Variants in LYPLA1 observed in about 807,000 individuals in gnomAD.
LYPLA1 encodes the protein acyl-protein thioesterase 1.
In LYPLA1, 17 loss-of-function variants were observed where a neutral mutation model predicts 34.0. That is an observed-to-expected ratio of 0.50 (90% CI 0.34 to 0.75). LYPLA1 has a LOEUF of 0.75. Among genes scored for constraint, LYPLA1 ranks in the 30% least tolerant of loss-of-function variants. LYPLA1 has a pLI of 0.01. For synonymous variants in LYPLA1, 98 were observed against 100.8 expected, an observed-to-expected ratio of 0.97 and a Z score of 0.17; for missense variants, 203 against 288.8, an observed-to-expected ratio of 0.70 and a Z score of 2.15.
intron 2 of LYPLA1, among the ~76,000 whole-genome samples, chr8:54,082,893 A>G (rs892462616): frequency 1.2e-4 from 19 of 152,076 alleles, no homozygotes; most frequent in South Asian, 4.2e-4. Flanking sequence ...CGCCTGGCTA[A>G]TTTTTTGTAT....
At chr8:54,064,832 T>G (rs1381902516) in intron 3 of LYPLA1, among the ~76,000 whole-genome samples, 1 of 151,972 alleles carries the variant, frequency 6.6e-6, no homozygotes, top group Admixed American at 6.6e-5. Flanking sequence ...TAACAATAGC[T>G]GATGAGGTAA....
At chr8:54,079,233 G>A (rs1320688951) in intron 2 of LYPLA1, among the ~76,000 whole-genome samples, 1 of 152,112 alleles carries the variant, frequency 6.6e-6, no homozygotes, top group African/African-American at 2.4e-5. Context: ...ACCTACATCA[G>A]CCTCCAAAAG....
intron 5 of LYPLA1, among the ~76,000 whole-genome samples, chr8:54,058,519 G>A (rs1047348257): frequency 6.6e-6 from 1 of 152,092 alleles, no homozygotes; most frequent in African/African-American, 2.4e-5. Flanking sequence ...ACTCCAGCCT[G>A]AGCAAGAGAG....
intron 3 of LYPLA1, among the ~76,000 whole-genome samples, chr8:54,064,903 T>C (rs1806937944): frequency 6.6e-6 from 1 of 152,170 alleles, no homozygotes; most frequent in African/African-American, 2.4e-5. Flanking sequence ...TAAGAAAGTT[T>C]ACTAATTTGC....
At chr8:54,073,284 CT>C in intron 2 of LYPLA1, 1 of 893,396 alleles carries the variant, frequency 1.1e-6, no homozygotes, top group Non-Finnish European at 1.9e-6. Flanking sequence ...TGCTGGGGTC[CT>C]TCTGTGCCTG....
At chr8:54,053,544 A>G (rs1805993379) in intron 6 of LYPLA1, 6 of 454,132 alleles carry the variant, frequency 1.3e-5, no homozygotes, top group Non-Finnish European at 8.9e-6. Context: ...CACTCTGACC[A>G]TGCCCATGGG....
chr8:54,092,852 C>G (rs540588196), intron 2 of LYPLA1, among the ~76,000 whole-genome samples: 1 of 152,236 alleles, frequency 6.6e-6, no homozygotes, highest in East Asian at 1.9e-4. Context: ...AAAATCAGGA[C>G]CTGTGTGGTG....
chr8:54,092,259 AAGG>A (rs1039252933), intron 2 of LYPLA1, among the ~76,000 whole-genome samples: 4 of 141,392 alleles, frequency 2.8e-5, no homozygotes, highest in East Asian at 4.2e-4. Context: ...AGAGAAGGAG[AAGG>A]AGGAGAAGGA....
At chr8:54,095,984 A>C (rs575592932) in intron 2 of LYPLA1, among the ~76,000 whole-genome samples, 113 of 152,328 alleles carry the variant, frequency 7.4e-4, no homozygotes, top group African/African-American at 2.6e-3. Flanking sequence ...GATAAAGGAC[A>C]TTATTGGCTC....
At chr8:54,101,245 T>A in intron 1 of LYPLA1, 1 of 714,812 alleles carries the variant, frequency 1.4e-6, no homozygotes, top group South Asian at 3.5e-5. Context: ...ATCAGGAACA[T>A]CTCACATATC....
chr8:54,090,576 C>T (rs915463103), intron 2 of LYPLA1, among the ~76,000 whole-genome samples: 1 of 152,152 alleles, frequency 6.6e-6, no homozygotes, highest in Non-Finnish European at 1.5e-5. Context: ...CACTAACCTA[C>T]CCCCGCCCTC....
At chr8:54,067,824 T>C (rs1018949804) in intron 2 of LYPLA1, among the ~76,000 whole-genome samples, 2 of 150,892 alleles carry the variant, frequency 1.3e-5, no homozygotes, top group Non-Finnish European at 2.9e-5. Context: ...GCCTCCCGAG[T>C]AGGCGCCCGC....
chr8:54,080,579 T>C (rs555150312), intron 2 of LYPLA1, among the ~76,000 whole-genome samples: 2 of 152,188 alleles, frequency 1.3e-5, no homozygotes, highest in East Asian at 1.9e-4. Flanking sequence ...AAAATGTAAA[T>C]ATATTTATTT....
At chr8:54,075,427 G>A (rs762054029) in intron 2 of LYPLA1, among the ~76,000 whole-genome samples, 2 of 152,144 alleles carry the variant, frequency 1.3e-5, no homozygotes, top group African/African-American at 2.4e-5. Flanking sequence ...GGAGCATCCC[G>A]AGGGCCCCCT....
intron 2 of LYPLA1, among the ~76,000 whole-genome samples, chr8:54,080,130 A>C (rs1361958247): frequency 1.3e-5 from 2 of 151,990 alleles, no homozygotes; most frequent in African/African-American, 4.8e-5. Flanking sequence ...TCACACCTGT[A>C]ATCCCACCAC....
At chr8:54,065,557 G>C (rs1807000745) in intron 3 of LYPLA1, among the ~76,000 whole-genome samples, 191 bp downstream of exon 3, 1 of 120,510 alleles carries the variant, frequency 8.3e-6, no homozygotes, top group Admixed American at 7.9e-5. Context: ...CTTAACGAAA[G>C]AGAAAAAGAA....
intron 2 of LYPLA1, among the ~76,000 whole-genome samples, chr8:54,088,317 A>C (rs1459409805): frequency 1.3e-5 from 2 of 152,234 alleles, no homozygotes; most frequent in African/African-American, 4.8e-5. Context: ...AAAATCTTTA[A>C]AGAGGGACCT....
chr8:54,086,170 G>A (rs373118972), intron 2 of LYPLA1, among the ~76,000 whole-genome samples: 2 of 151,786 alleles, frequency 1.3e-5, no homozygotes, highest in East Asian at 1.9e-4. Flanking sequence ...GTCCACTAAG[G>A]GTTAAATGGA....
intron 2 of LYPLA1, among the ~76,000 whole-genome samples, chr8:54,086,415 T>A (rs1586162556): frequency 1.7e-5 from 1 of 60,272 alleles, no homozygotes; most frequent in African/African-American, 6.7e-5. Flanking sequence ...CACCCAAGAA[T>A]GATCAATAAA....
Sources: allele counts gnomAD v4.1 joint callset (sites outside exome capture counted in the v4.1 genomes callset), GRCh38; gene constraint gnomAD v4.1.1; transcripts MANE v1.5; gene names NCBI Gene and HGNC (gene_info 2026-07-23, HGNC 2026-07-21).